Variants in JRK observed in about 807,000 individuals in gnomAD.
JRK encodes the protein Jrk helix-turn-helix protein.
For synonymous variants in JRK, 303 were observed against 218.1 expected (o/e 1.39, Z -3.43); for missense variants, 720 against 509.2 (o/e 1.41, Z -3.98).
chr8:142,663,199 G>A lies in JRK; in HGVS notation c.*1153C>T, dbSNP rs1003441408. 4.1e-6 allele frequency: 4 copies of A among 985,292 alleles called. No individual in the cohort carries two copies. Among genetic ancestry groups the A allele is most frequent in the African/African-American group, 3.5e-5 (2 of 57,220 alleles). 61.0% of individuals were successfully genotyped at this position (985,292 alleles called of 1,614,324 possible). A position where few individuals can be genotyped will look rare whatever the true frequency, so the allele number is the denominator to read the frequency against. On this transcript the variant is annotated 3_prime_UTR_variant, in exon 2 of 2. Transcript: ENST00000612905. ...ACCTATTTTATGCTCGCTGAAAGAC[G>A]AGGCTAATCACTGTGGACACAGGGC...
At position 142,664,978 on chromosome 8, in the gene JRK, C is replaced by T. The variant is rs199539351; in HGVS notation, c.1081G>A (p.Asp361Asn). ...QGPHARYNMN[D>N]AIFSVACAWN... ...GCACAGGCCACGCTGAATATGGCATCGTTCATGTTGTAGCGGGCGTGGGGG... is the reference window on the plus strand; with the variant it reads ...GCACAGGCCACGCTGAATATGGCATTGTTCATGTTGTAGCGGGCGTGGGGG... The change falls in exon 2 of 2, where the codon GAT becomes AAT. Residue 361 changes from aspartate to asparagine, a missense_variant. Physicochemically the swap from Asp to Asn is conservative, Grantham distance 23. Coordinates refer to ENST00000612905, the MANE Select transcript of JRK (RefSeq NM_003724.4). 1.4e-4 allele frequency: 106 copies of T among 737,822 alleles called. No individual in the cohort carries two copies. In the African/African-American group the frequency reaches 1.5e-3, roughly 11 times the overall value. 45.7% of individuals were successfully genotyped at this position (737,822 alleles called of 1,614,324 possible).
Position 142,663,959 on chromosome 8 carries a change from G to A in JRK, c.*393C>T. 7 of 1,013,570 alleles carry A rather than the reference G, an allele frequency of 6.9e-6. No individual in the cohort carries two copies. Among genetic ancestry groups the A allele is most frequent in the Non-Finnish European group, 8.2e-6 (7 of 849,152 alleles). 62.8% of individuals were successfully genotyped at this position (1,013,570 alleles called of 1,614,324 possible). ...GGGCATGGCCTCCTGTCGGCCTGGAGGGCAACTTCTCTCCACGTGGACAGA... is the reference window on the plus strand; with the variant it reads ...GGGCATGGCCTCCTGTCGGCCTGGAAGGCAACTTCTCTCCACGTGGACAGA... On this transcript the variant is annotated 3_prime_UTR_variant, in exon 2 of 2. Transcript: ENST00000612905.
chr8:142,662,974 A>T lies in JRK; in HGVS notation c.*1378T>A, dbSNP rs1231595332. The T allele has an allele frequency of 1.6e-6, 1 of 619,746 alleles. No individual in the cohort carries two copies. Among genetic ancestry groups the T allele is most frequent in the Admixed American group, 6.4e-5 (1 of 15,644 alleles). 38.4% of individuals were successfully genotyped at this position (619,746 alleles called of 1,614,324 possible). Reference sequence around the variant, plus strand: ...CAAGAGTTCAAGACCAGCCTGGGCAACACAGTGAGACCCTGTCTCTACAAA... The same window carrying T: ...CAAGAGTTCAAGACCAGCCTGGGCATCACAGTGAGACCCTGTCTCTACAAA... On this transcript the variant is annotated 3_prime_UTR_variant, in exon 2 of 2. Coordinates refer to ENST00000612905, the MANE Select transcript of JRK (RefSeq NM_003724.4).
At position 142,664,319 on chromosome 8, in the gene JRK, A is replaced by C. The variant is rs782441809; in HGVS notation, c.*33T>G. On this transcript the variant is annotated 3_prime_UTR_variant, in exon 2 of 2. Coordinates refer to ENST00000612905, the MANE Select transcript of JRK (RefSeq NM_003724.4). Reference sequence around the variant, plus strand: ...GCCACTCCAGGGTGTGGGGAGAAACAGGGCCAGTGGCCAGGGCAGGGCAGA... The same window carrying C: ...GCCACTCCAGGGTGTGGGGAGAAACCGGGCCAGTGGCCAGGGCAGGGCAGA... 3.7e-5 allele frequency: 57 copies of C among 1,521,596 alleles called. No homozygotes were observed. Among genetic ancestry groups the C allele is most frequent in the African/African-American group, 1.2e-4 (9 of 72,376 alleles). The allele number at this position is 1,521,596 out of a possible 1,614,324, so 94.3% of individuals were successfully genotyped here.
At chr8:142,668,039 C>G (rs1225680361) in intron 1 of JRK, among the ~76,000 whole-genome samples, 2 of 152,236 alleles carry the variant, frequency 1.3e-5, no homozygotes, top group African/African-American at 4.8e-5. Flanking sequence ...CCGGGCAGCT[C>G]AGCTGGCCGC....
At chr8:142,651,663 A>C in the JRK span, among the ~76,000 whole-genome samples, 1 of 152,146 alleles carries the variant, frequency 6.6e-6, no homozygotes, top group African/African-American at 2.4e-5. Context: ...TGGGAAAAAG[A>C]CTGAAACAAC....
At chr8:142,649,115 C>T in the JRK span, among the ~76,000 whole-genome samples, 6 of 152,342 alleles carry the variant, frequency 3.9e-5, no homozygotes, top group East Asian at 1.9e-4. Flanking sequence ...AAGTAACTAA[C>T]TTGCTTTTGA....
In JRK at chr8:142,661,961, C is replaced by A. The variant is rs73379614; in HGVS notation, c.*2391G>T. ...GGGCCCAGCAGCTCAGAGATGAGTACGCTCTGGGCTCCCTAAAAACCTCAC... is the reference window on the plus strand; with the variant it reads ...GGGCCCAGCAGCTCAGAGATGAGTAAGCTCTGGGCTCCCTAAAAACCTCAC... On this transcript the variant is annotated 3_prime_UTR_variant, in exon 2 of 2. Coordinates refer to ENST00000612905, the MANE Select transcript of JRK (RefSeq NM_003724.4). The A allele has an allele frequency of 1.0e-5, 10 of 985,378 alleles. No homozygotes were observed. In the South Asian group the frequency reaches 2.8e-4, roughly 28 times the overall value. 61.0% of individuals were successfully genotyped at this position (985,378 alleles called of 1,614,324 possible).
At position 142,659,460 on chromosome 8, in the gene JRK, G is replaced by T; in HGVS notation, c.*4892C>A. 1 of 986,368 alleles carries T rather than the reference G, an allele frequency of 1.0e-6. No homozygotes were observed. The allele number at this position is 986,368 out of a possible 1,614,324, so 61.1% of individuals were successfully genotyped here. ...CACCTCGTAGCTTGCTTCCCAGCCA[G>T]CCTGGGTGTGGAAATGGCCGTGCTG... On this transcript the variant is annotated 3_prime_UTR_variant, in exon 2 of 2. Transcript: ENST00000612905.
At position 142,664,785 on chromosome 8, in the gene JRK, C is replaced by G. The variant is rs1554635334; in HGVS notation, c.1274G>C (p.Gly425Ala). 1.3e-6 allele frequency: 2 copies of G among 1,590,742 alleles called. No homozygotes were observed. Among genetic ancestry groups the G allele is most frequent in the South Asian group, 1.1e-5 (1 of 87,736 alleles). ...GCGAAGCTGGCCCGGGCAGGAGGAG[C>G]CTTCCTTCACAAGCTCCAGGATGTG... ...FAHILELVKE[G>A]SSCPGQLRQR... The change falls in exon 2 of 2, where the codon GGC (glycine) becomes GCC (alanine). Residue 425 changes from glycine to alanine, a missense_variant. Transcript: ENST00000612905.
chr8:142,650,063 A>T, the JRK span, among the ~76,000 whole-genome samples: 1 of 152,280 alleles, frequency 6.6e-6, no homozygotes, highest in Non-Finnish European at 1.5e-5. Context: ...GATGTGAAAC[A>T]TGGAGTCAAA....
downstream of JRK, among the ~76,000 whole-genome samples, chr8:142,655,708 A>G (rs587722885): frequency 3.3e-5 from 5 of 152,324 alleles, no homozygotes; most frequent in East Asian, 1.9e-4. Flanking sequence ...GGAAGATTAG[A>G]TAAGTGCCAC....
the JRK span, among the ~76,000 whole-genome samples, chr8:142,649,051 T>C: frequency 2.3e-4 from 35 of 152,298 alleles, no homozygotes; most frequent in East Asian, 1.2e-3. Context: ...AGCCAATTTC[T>C]CCCATTTGAA....
chr8:142,647,075 C>A, the JRK span, among the ~76,000 whole-genome samples: 2 of 152,036 alleles, frequency 1.3e-5, no homozygotes, highest in African/African-American at 2.4e-5. Flanking sequence ...AGATGCATGC[C>A]AAATCAAACA....
Position 142,661,203 on chromosome 8 carries a change from G to A in JRK, c.*3149C>T. Reference sequence around the variant, plus strand: ...AGACAGACAACTTCCAGGACAGCGTGCCTGGGGTGCTCGCAGAAGGCCAGG... The same window carrying A: ...AGACAGACAACTTCCAGGACAGCGTACCTGGGGTGCTCGCAGAAGGCCAGG... On this transcript the variant is annotated 3_prime_UTR_variant, in exon 2 of 2. Transcript: ENST00000612905. 1 of 985,566 alleles carries A rather than the reference G, an allele frequency of 1.0e-6. No individual in the cohort carries two copies. Among genetic ancestry groups the A allele is most frequent in the Non-Finnish European group, 1.2e-6 (1 of 830,024 alleles). The allele number at this position is 985,566 out of a possible 1,614,324, so 61.1% of individuals were successfully genotyped here. A position where few individuals can be genotyped will look rare whatever the true frequency, so the allele number is the denominator to read the frequency against.
chr8:142,649,384 G>GA, the JRK span, among the ~76,000 whole-genome samples: 2 of 152,150 alleles, frequency 1.3e-5, no homozygotes, highest in East Asian at 3.9e-4. Flanking sequence ...TATCATGGGG[G>GA]AAAGTCTTTC....
intron 1 of JRK, among the ~76,000 whole-genome samples, chr8:142,669,505 G>A (rs1457076498): frequency 6.6e-6 from 1 of 152,144 alleles, no homozygotes; most frequent in Admixed American, 6.5e-5. Flanking sequence ...TTCAGTCTGG[G>A]ACAAGAACAA....
chr8:142,659,011 C>A lies in JRK; in HGVS notation c.*5341G>T. On this transcript the variant is annotated 3_prime_UTR_variant, in exon 2 of 2. Transcript: ENST00000612905. ...TATGTCCACACCATAGGGGTGTAGT[C>A]ACTTCCCTCTGCCAGGGAGAATGGT... is the stretch of plus-strand genomic sequence containing the variant. 6.5e-7 allele frequency: 1 copy of A among 1,533,414 alleles called. No homozygotes were observed. The highest frequency in any genetic ancestry group is 1.2e-5 in the South Asian group (1 of 80,110). The allele number at this position is 1,533,414 out of a possible 1,614,324, so 95.0% of individuals were successfully genotyped here. A position where few individuals can be genotyped will look rare whatever the true frequency, so the allele number is the denominator to read the frequency against.
At chr8:142,647,323 G>C in the JRK span, among the ~76,000 whole-genome samples, 1 of 152,066 alleles carries the variant, frequency 6.6e-6, no homozygotes, top group Non-Finnish European at 1.5e-5. Context: ...GGAGGCAGCG[G>C]AAGTTGTACA....
Sources: gnomAD v4.1 joint callset for allele counts (sites outside exome capture counted in the v4.1 genomes callset) on GRCh38, gnomAD v4.1.1 for gene constraint, MANE v1.5 for transcripts, NCBI Gene and HGNC (gene_info 2026-07-23, HGNC 2026-07-21) for gene names.